The following CD163 variants were observed in gnomAD, a reference collection of about 807,000 sequenced individuals.
CD163 encodes the protein scavenger receptor cysteine-rich type 1 protein M130.
A neutral mutation model predicts 129.2 loss-of-function variants in CD163; 64 were observed. That is an observed-to-expected ratio of 0.50 (90% CI 0.41 to 0.61). CD163 has a LOEUF of 0.61. CD163 is among the 20% of genes least tolerant of loss of function. The pLI is 0.00. For synonymous variants in CD163, 446 were observed against 478.5 expected, an observed-to-expected ratio of 0.93 and a Z score of 0.89; for missense variants, 1,061 against 1,377.9, an observed-to-expected ratio of 0.77 and a Z score of 3.64.
chr12:7,475,517 C>T lies in CD163; in HGVS notation c.*32-4120G>A, dbSNP rs199598901. 8.5e-5 allele frequency among the ~76,000 whole-genome samples: 13 copies of T among 152,104 alleles called. No individual in the cohort carries two copies. The South Asian group carries it at 1.7e-3, about 19-fold the overall frequency. ...TGATTGTCTCAACAGATGCAGAAAA[C>T]GCCTTCGATAAAATTCAACAGTGCT... On this transcript the variant is annotated intron_variant, in intron 16 of 16. Transcript: ENST00000432237.
rs956797443 is a variant in CD163 at position 7,486,933 on chromosome 12, T to C, written c.2104A>G (p.Arg702Gly). 7.4e-6 allele frequency: 12 copies of C among 1,614,160 alleles called. No homozygotes were observed. The highest frequency in any genetic ancestry group is 9.3e-6 in the Non-Finnish European group (11 of 1,179,986). Reference protein sequence around the residue: ...SCNSSSLGPTRPTIPEESAVA... With the variant: ...SCNSSSLGPTGPTIPEESAVA... ...GCACTTTCTTCTGGAATGGTAGGCC[T>C]TGTTGGGCCCAAAGACGATGAATTG... Residue 702 changes from arginine (R) to glycine (G), a missense_variant, in exon 9 of 17, where the codon AGG becomes GGG. Physicochemically the swap from Arg to Gly is moderately radical, Grantham distance 125. Transcript: ENST00000432237.
chr12:7,471,835 G>A (rs11614441), intron 16 of CD163: 8,091 of 152,272 alleles, frequency 0.053, 289 homozygotes, highest in Middle Eastern at 0.11. Flanking sequence ...AGCAAGTCAC[G>A]AACTACTGAC....
chr12:7,476,186 C>T (rs1367161346), intron 16 of CD163, among the ~76,000 whole-genome samples: 2 of 152,102 alleles, frequency 1.3e-5, no homozygotes, highest in Non-Finnish European at 2.9e-5. Context: ...AGATTCAATG[C>T]TATTCTCATC....
At chr12:7,490,536 T>G (rs1257627387) in intron 6 of CD163, among the ~76,000 whole-genome samples, 1 of 151,964 alleles carries the variant, frequency 6.6e-6, no homozygotes, top group Non-Finnish European at 1.5e-5. Flanking sequence ...AATTAGACCT[T>G]CTGAAGGTCT....
Position 7,481,142 on chromosome 12 carries a change from C to G in CD163, c.3343+19G>C. Reference sequence around the variant, plus strand: ...TGATCTGAACCCCTGGGCAATAGACCCTCCAAGAACCCACAGACCTGAGGA... The same window carrying G: ...TGATCTGAACCCCTGGGCAATAGACGCTCCAAGAACCCACAGACCTGAGGA... On this transcript the variant is annotated intron_variant, in intron 15 of 16. Coordinates refer to ENST00000432237, the MANE Select transcript of CD163 (RefSeq NM_203416.4). 2 of 1,612,352 alleles carry G rather than the reference C, an allele frequency of 1.2e-6. No homozygotes were observed. Among genetic ancestry groups the G allele is most frequent in the East Asian group, 4.5e-5 (2 of 44,854 alleles).
intron 6 of CD163, among the ~76,000 whole-genome samples, chr12:7,493,241 A>T (rs746146211): frequency 2.0e-5 from 3 of 152,154 alleles, no homozygotes; most frequent in Non-Finnish European, 4.4e-5. Context: ...CCAAACTTGG[A>T]TGTAACTGTG....
At chr12:7,479,589 T>A (rs1340272868) in intron 16 of CD163, among the ~76,000 whole-genome samples, 1 of 152,170 alleles carries the variant, frequency 6.6e-6, no homozygotes, top group Non-Finnish European at 1.5e-5. Context: ...CTGTAATGTC[T>A]TCAAAAGATT....
At chr12:7,486,836 T>G in intron 9 of CD163, 23 bp from the exon 10 acceptor site, 8 of 1,606,680 alleles carry the variant, frequency 5.0e-6, no homozygotes, top group Non-Finnish European at 6.8e-6. Flanking sequence ...ATGAAACTAT[T>G]AATAATGAGC....
chr12:7,488,776 G>A (rs1298736190), intron 6 of CD163, among the ~76,000 whole-genome samples: 2 of 152,032 alleles, frequency 1.3e-5, no homozygotes, highest in Non-Finnish European at 2.9e-5. Context: ...TTAGACATGT[G>A]GAGCTTAAAG....
In CD163 at chr12:7,487,638, G is replaced by T. The variant is rs772530312; in HGVS notation, c.1771C>A (p.Pro591Thr). The change falls in exon 8 of 17, where the codon CCG (proline) becomes ACG (threonine). Residue 591 changes from proline (P) to threonine (T), a missense_variant. Pro to Thr is a conservative substitution (Grantham distance 38). Transcript: ENST00000432237. The surrounding 1 kb of genome is among the most constrained non-coding windows in gnomAD (Gnocchi z 5.1). ...TEIRLVNGKT[P>T]CEGRVELKTL... ...TTGAGCTCCACTCTGCCCTCACACG[G>T]GGTCTTGCCATTCACCAAGCGAATT... 3.7e-6 allele frequency: 6 copies of T among 1,614,004 alleles called. No homozygotes were observed. The highest frequency in any genetic ancestry group is 4.2e-6 in the Non-Finnish European group (5 of 1,180,024).
At position 7,501,317 on chromosome 12, in the gene CD163, T is replaced by C; in HGVS notation, c.279A>G (p.Gly93=). 1 of 1,614,128 alleles carries C rather than the reference T, an allele frequency of 6.2e-7. No individual in the cohort carries two copies. The highest frequency in any genetic ancestry group is 2.2e-5 in the East Asian group (1 of 44,874). ...CAGGGGCTTTGATAGCAGTTGGACA[T>C]CCCAGCTGGTTACAAATCACAGAGA... ...EAVSVICNQL[G]CPTAIKAPGW... Residue 93 remains glycine (G), a synonymous_variant, in exon 3 of 17, where the codon GGA becomes GGG. Transcript: ENST00000432237.
Position 7,482,720 on chromosome 12 carries a change from A to G in CD163, c.3170T>C (p.Leu1057Pro), listed in dbSNP as rs765981904. The change falls in exon 14 of 17, where the codon CTT becomes CCT. Residue 1057 changes from leucine (L) to proline (P), a missense_variant. Transcript: ENST00000432237. ...RQSSFIAVGI[L>P]GVVLLAIFVA... The stretch of plus-strand genomic sequence containing the variant: ...GAAAATGGCCAACAGAACAACCCCA[A>G]GGATCCCGACTGCAATAAAGGATGA... 10 of 1,614,148 alleles carry G rather than the reference A, an allele frequency of 6.2e-6. No homozygotes were observed. The South Asian group carries it at 8.8e-5, about 14-fold the overall frequency.
At chr12:7,478,084 C>T (rs564227952) in intron 16 of CD163, among the ~76,000 whole-genome samples, 3 of 152,182 alleles carry the variant, frequency 2.0e-5, no homozygotes, top group South Asian at 4.2e-4. Flanking sequence ...TTTTTCCAGT[C>T]ATTACTCCAT....
chr12:7,484,561 C>T (rs1236266236), intron 11 of CD163, among the ~76,000 whole-genome samples: 1 of 145,870 alleles, frequency 6.9e-6, no homozygotes, highest in East Asian at 2.0e-4. Flanking sequence ...ATTGCTTGAA[C>T]CAAGAAGGCA....
intron 12 of CD163, 116 bp from the exon 13 acceptor site, chr12:7,483,120 A>C (rs1949186662): frequency 1.0e-5 from 11 of 1,057,650 alleles, no homozygotes; most frequent in Non-Finnish European, 1.5e-5. Context: ...ACTCTTTCCC[A>C]CCTAAAACTA....
chr12:7,483,829 ATATATATATATAT>A (rs1949200828), intron 11 of CD163, 154 bp from the exon 12 acceptor site: 1 of 42,208 alleles, frequency 2.4e-5, no homozygotes, highest in Non-Finnish European at 7.7e-5. Flanking sequence ...ATATATGTAT[ATATATATATATAT>A]TTTTTTTTTT....
rs117005476 is a variant in CD163, at chr12:7,502,983, G to A, written c.47-419C>T. Among the ~76,000 whole-genome samples the A allele has an allele frequency of 3.7e-3, 558 of 152,194 alleles. 14 individuals carry two copies. The East Asian group carries it at 0.079, about 22-fold the overall frequency. On this transcript the variant is annotated intron_variant, in intron 1 of 16. Coordinates refer to ENST00000432237, the MANE Select transcript of CD163 (RefSeq NM_203416.4). The stretch of plus-strand genomic sequence containing the variant: ...CCCCCATCTTTAAGACTACCTAGCC[G>A]CACTGATAGAGGATAAGTTCCATGA...
At chr12:7,476,201 T>C (rs150990418) in intron 16 of CD163, among the ~76,000 whole-genome samples, 236 of 152,328 alleles carry the variant, frequency 1.5e-3, no homozygotes, top group African/African-American at 5.2e-3. Context: ...CTCATCAAGC[T>C]ACCATCGACT....
At chr12:7,475,794 A>T (rs1799570335) in intron 16 of CD163, among the ~76,000 whole-genome samples, 1 of 152,202 alleles carries the variant, frequency 6.6e-6, no homozygotes, top group South Asian at 2.1e-4. Context: ...AGGAACTCAA[A>T]TTATCTCTTG....
Sources: gnomAD v4.1 joint callset for allele counts (sites outside exome capture counted in the v4.1 genomes callset) on GRCh38, gnomAD v4.1.1 for gene constraint, Gnocchi (gnomAD v3.1) non-coding constraint, MANE v1.5 for transcripts, NCBI Gene and HGNC (gene_info 2026-07-23, HGNC 2026-07-21) for gene names.